Variants in ALK observed in about 807,000 individuals in gnomAD.
ALK encodes the protein ALK tyrosine kinase receptor.
Under a neutral mutation model 163.1 loss-of-function variants are expected in ALK, and 74 were observed. That is an observed-to-expected ratio of 0.45 (90% CI 0.38 to 0.55). The LOEUF (loss-of-function observed/expected upper bound fraction) is 0.55, where lower values mean the gene tolerates loss of function less well. Among genes scored for constraint, ALK ranks in the 20% least tolerant of loss-of-function variants. The probability of loss-of-function intolerance (pLI) is 0.00; values close to 1 mark genes in which losing one functional copy is unlikely to be tolerated. For missense variants in ALK, 2,063 were observed against 2,105.3 expected (o/e 0.98, Z 0.39); for synonymous variants, 960 against 843.2 (o/e 1.14, Z -2.40).
chr2:29,614,539 G>A (rs535703582), intron 3 of ALK, among the ~76,000 whole-genome samples: 1 of 152,304 alleles, frequency 6.6e-6, no homozygotes, highest in South Asian at 2.1e-4. Flanking sequence ...TCTGGAGACC[G>A]ACAAGAATTC....
intron 3 of ALK, among the ~76,000 whole-genome samples, chr2:29,590,582 G>A (rs2148206142): frequency 6.6e-6 from 1 of 152,188 alleles, no homozygotes; most frequent in East Asian, 1.9e-4. Flanking sequence ...CCAGGCCCCA[G>A]GTAATAACTG....
At chr2:29,424,017 A>G (rs2148069235) in intron 4 of ALK, among the ~76,000 whole-genome samples, 1 of 152,230 alleles carries the variant, frequency 6.6e-6, no homozygotes, top group East Asian at 1.9e-4. Flanking sequence ...TTTTTCATGT[A>G]TCGCACATAA....
intron 3 of ALK, among the ~76,000 whole-genome samples, chr2:29,628,242 T>G (rs567146542): frequency 1.3e-5 from 2 of 152,342 alleles, no homozygotes; most frequent in South Asian, 2.1e-4. Flanking sequence ...TGCAAGCATT[T>G]TACATTTGTC....
chr2:29,911,565 G>A (rs745806118), intron 1 of ALK, among the ~76,000 whole-genome samples: 1 of 152,222 alleles, frequency 6.6e-6, no homozygotes, highest in Non-Finnish European at 1.5e-5. Context: ...ATCCTAAAGA[G>A]AGCTGGAGAA....
At position 29,735,999 on chromosome 2, in the gene ALK, T is replaced by G. The variant is rs539301666; in HGVS notation, c.668-18302A>C. Among the ~76,000 whole-genome samples the G allele has an allele frequency of 9.5e-4, 145 of 152,184 alleles. 2 individuals carry two copies. The highest frequency in any genetic ancestry group is 3.4e-3 in the African/African-American group (143 of 41,460). The stretch of plus-strand genomic sequence containing the variant: ...ACCCCTATTTTGCGTATAAGAAAAC[T>G]GAGCCATCGAAAAGTAACTTGCTCA... On this transcript the variant is annotated intron_variant, in intron 1 of 28. Transcript: ENST00000389048.
chr2:29,550,557 G>C (rs1417306241), intron 3 of ALK, among the ~76,000 whole-genome samples: 1 of 152,188 alleles, frequency 6.6e-6, no homozygotes, highest in Non-Finnish European at 1.5e-5. Context: ...AGATAAGGCT[G>C]AAGAAGGTGA....
intron 3 of ALK, among the ~76,000 whole-genome samples, chr2:29,576,004 C>T (rs946319450): frequency 6.6e-6 from 1 of 152,138 alleles, no homozygotes; most frequent in African/African-American, 2.4e-5. Flanking sequence ...TTAAGATGTG[C>T]CTATGTGCTC....
At chr2:29,489,009 C>T (rs1441843661) in intron 4 of ALK, among the ~76,000 whole-genome samples, 1 of 152,160 alleles carries the variant, frequency 6.6e-6, no homozygotes, top group African/African-American at 2.4e-5. Context: ...CCAAACTGAT[C>T]ATTGTCAGGA....
At chr2:29,407,425 G>T (rs1377785512) in intron 4 of ALK, among the ~76,000 whole-genome samples, 1 of 152,242 alleles carries the variant, frequency 6.6e-6, no homozygotes, top group Non-Finnish European at 1.5e-5. Context: ...CCTACCATAT[G>T]AAGTAGGTTT....
At chr2:29,641,577 A>T (rs72864441) in intron 3 of ALK, among the ~76,000 whole-genome samples, 2,146 of 152,272 alleles carry the variant, frequency 0.014, 42 homozygotes, top group African/African-American at 0.04. Flanking sequence ...AATAATAATG[A>T]TGTGTTTGAA....
intron 4 of ALK, 73 bp downstream of exon 4, chr2:29,531,842 G>A (rs1462418131): frequency 4.7e-6 from 7 of 1,477,952 alleles, no homozygotes; most frequent in Non-Finnish European, 5.7e-6. Context: ...AGATGTCACA[G>A]ACTCTGGAAA....
At chr2:29,677,188 TC>T (rs1291099240) in intron 3 of ALK, among the ~76,000 whole-genome samples, 1 of 150,464 alleles carries the variant, frequency 6.6e-6, no homozygotes, top group African/African-American at 2.4e-5. Context: ...TTTGGTTCTC[TC>T]CCTCCTTCCC....
intron 1 of ALK, chr2:29,890,611 A>C (rs775238970): frequency 4.6e-5 from 7 of 152,234 alleles, no homozygotes; most frequent in African/African-American, 7.2e-5. Context: ...AACAGTTTAC[A>C]AAGAATTTTT....
intron 1 of ALK, among the ~76,000 whole-genome samples, chr2:29,842,741 C>T (rs1665731520): frequency 6.6e-6 from 1 of 152,162 alleles, no homozygotes; most frequent in Non-Finnish European, 1.5e-5. Flanking sequence ...TTGTCATGTG[C>T]CTGCATTGGA....
chr2:29,486,417 T>C (rs192420975), intron 4 of ALK, among the ~76,000 whole-genome samples: 176 of 152,248 alleles, frequency 1.2e-3, no homozygotes, highest in African/African-American at 4.0e-3. Flanking sequence ...AAAGAGAAAA[T>C]GAAGTAAGCT....
intron 1 of ALK, among the ~76,000 whole-genome samples, chr2:29,740,906 G>A (rs1355986516): frequency 6.6e-6 from 1 of 152,126 alleles, no homozygotes; most frequent in Non-Finnish European, 1.5e-5. Context: ...GGAGGCTAAG[G>A]CAGGAGAATC....
At chr2:29,618,685 A>G (rs1675931638) in intron 3 of ALK, among the ~76,000 whole-genome samples, 1 of 152,190 alleles carries the variant, frequency 6.6e-6, no homozygotes, top group Admixed American at 6.5e-5. Flanking sequence ...AACCAATAAA[A>G]AATAAAAACA....
chr2:29,449,681 C>T (rs4366858), intron 4 of ALK, among the ~76,000 whole-genome samples: 87,105 of 152,094 alleles, frequency 0.57, 25,157 homozygotes, highest in East Asian at 0.69. Flanking sequence ...TTCTGTCCCC[C>T]ATCGCCTCCC....
intron 6 of ALK, among the ~76,000 whole-genome samples, chr2:29,326,514 C>T (rs1239220267): frequency 3.9e-5 from 6 of 152,108 alleles, no homozygotes; most frequent in Non-Finnish European, 7.3e-5. Context: ...TAGAGACACA[C>T]ACACAGGCCC....
Sources: gnomAD v4.1 joint callset for allele counts (sites outside exome capture counted in the v4.1 genomes callset) on GRCh38, gnomAD v4.1.1 for gene constraint, MANE v1.5 for transcripts, NCBI Gene and HGNC (gene_info 2026-07-23, HGNC 2026-07-21) for gene names.